RBM20: variants seen among roughly 807,000 people sequenced by gnomAD.
RBM20 encodes the protein RNA-binding protein 20.
In RBM20, 51 loss-of-function variants were observed where a neutral mutation model predicts 110.1. The observed-to-expected ratio is 0.46, with a 90% CI of 0.37 to 0.59. The LOEUF is 0.59. Ranked by LOEUF, RBM20 falls within the 20% of genes least tolerant of loss-of-function variation. RBM20 has a pLI of 0.00. For missense variants in RBM20, 1,512 were observed against 1,574.9 expected, an observed-to-expected ratio of 0.96 and a Z score of 0.68; for synonymous variants, 589 against 618.2, an observed-to-expected ratio of 0.95 and a Z score of 0.70.
intron 1 of RBM20, among the ~76,000 whole-genome samples, chr10:110,729,779 G>A (rs1843601151): frequency 6.6e-6 from 1 of 152,162 alleles, no homozygotes; most frequent in African/African-American, 2.4e-5. Context: ...GCCCTCTCCT[G>A]ACCCCCTCTG....
intron 1 of RBM20, among the ~76,000 whole-genome samples, chr10:110,767,240 G>A (rs571425920): frequency 7.1e-6 from 1 of 139,934 alleles, no homozygotes; most frequent in Admixed American, 6.8e-5. Flanking sequence ...CCTCCCGGAC[G>A]GGGTGGCTGG....
chr10:110,669,542 G>C (rs1415070063), intron 1 of RBM20, among the ~76,000 whole-genome samples: 3 of 152,238 alleles, frequency 2.0e-5, no homozygotes, highest in Non-Finnish European at 4.4e-5. Flanking sequence ...TGTAGGCTCA[G>C]AAGATTGCTT....
In RBM20 at chr10:110,644,607, G is replaced by T. The variant is rs760605118; in HGVS notation, c.153G>T (p.Pro51=). Residue 51 remains proline, a synonymous_variant, in exon 1 of 14, where the codon CCG becomes CCT. Transcript: ENST00000369519. The surrounding 1 kb of genome is among the most constrained non-coding windows in gnomAD (Gnocchi z 4.3). Reference sequence around the variant, plus strand: ...AGCCGCCGCCGCCGCCCCAGCCACCGCCCCCGCCCCAAGCCGGCCTACCCC... The same window carrying T: ...AGCCGCCGCCGCCGCCCCAGCCACCTCCCCCGCCCCAAGCCGGCCTACCCC... ...MQQPPPPPQP[P]PPPQAGLPQI... 5.4e-4 allele frequency: 585 copies of T among 1,091,326 alleles called. 3 individuals are homozygous for T. The highest frequency in any genetic ancestry group is 1.5e-4 in the Non-Finnish European group (121 of 785,594). 67.6% of individuals were successfully genotyped at this position (1,091,326 alleles called of 1,614,324 possible).
Position 110,762,900 on chromosome 10 carries a change from G to A in RBM20, c.192-17901G>A, listed in dbSNP as rs117585500. Among the ~76,000 whole-genome samples, 161 of 152,336 alleles carry A rather than the reference G, an allele frequency of 1.1e-3. No individual in the cohort carries two copies. In the East Asian group the frequency reaches 0.028, roughly 27 times the overall value. ...GGAAGGGCCAAACCTGCTGATTGGA[G>A]TAGAGCCTGGCAGCTTGGGGAAACC... On this transcript the variant is annotated intron_variant, in intron 1 of 13. Transcript: ENST00000369519.
intron 1 of RBM20, among the ~76,000 whole-genome samples, chr10:110,694,967 T>C (rs1203292562): frequency 6.6e-6 from 1 of 152,204 alleles, no homozygotes; most frequent in Non-Finnish European, 1.5e-5. Flanking sequence ...TATAGTGTCA[T>C]GTCTGTGGTT....
intron 1 of RBM20, among the ~76,000 whole-genome samples, chr10:110,760,495 TGATCTCAG>T (rs61221241): frequency 0.44 from 60,555 of 136,522 alleles, 13,410 homozygotes; most frequent in East Asian, 0.54. Flanking sequence ...TACAGTGGCG[TGATCTCAG>T]GATCTCAGCT....
chr10:110,786,028 C>T (rs973225011), intron 5 of RBM20, among the ~76,000 whole-genome samples: 2 of 152,178 alleles, frequency 1.3e-5, no homozygotes, highest in Admixed American at 1.3e-4. Context: ...CATACATTTT[C>T]GTCCTCCAAA....
Position 110,823,582 on chromosome 10 carries a change from A to G in RBM20, c.3419A>G (p.Glu1140Gly). Residue 1140 changes from glutamate to glycine, a missense_variant, in exon 12 of 14, where the codon GAG (glutamate) becomes GGG (glycine). By Grantham distance (98) the Glu-to-Gly change is moderately conservative (BLOSUM62 -2). Transcript: ENST00000369519. ...CTTTCTTTGCCCTCTTGGGAACCAG[A>G]GGATGTGTTCAGTGAACTTAGCATT... ...QPLSLPSWEP[E>G]DVFSELSIPL... 1 of 1,551,612 alleles carries G rather than the reference A, an allele frequency of 6.4e-7. No individual in the cohort carries two copies. Among genetic ancestry groups the G allele is most frequent in the South Asian group, 1.2e-5 (1 of 84,050 alleles).
At chr10:110,687,995 T>TTGTG (rs60479740) in intron 1 of RBM20, among the ~76,000 whole-genome samples, 4,096 of 145,412 alleles carry the variant, frequency 0.028, 84 homozygotes, top group Non-Finnish European at 0.029. Context: ...CTAAATGGTT[T>TTGTG]TGTGTGTGTG....
chr10:110,752,294 G>GTA (rs1256679053), intron 1 of RBM20, among the ~76,000 whole-genome samples: 1 of 152,292 alleles, frequency 6.6e-6, no homozygotes, highest in East Asian at 1.9e-4. Context: ...AAATCATACA[G>GTA]TATATGGCCT....
chr10:110,753,464 C>T (rs909462566), intron 1 of RBM20, among the ~76,000 whole-genome samples: 2 of 152,160 alleles, frequency 1.3e-5, no homozygotes, highest in Non-Finnish European at 2.9e-5. Context: ...TTTCTTTGCT[C>T]TTCATTCCTT....
At chr10:110,785,203 G>C (rs1448077004) in intron 5 of RBM20, among the ~76,000 whole-genome samples, 1 of 152,216 alleles carries the variant, frequency 6.6e-6, no homozygotes, top group Non-Finnish European at 1.5e-5. Flanking sequence ...GTATGCACCT[G>C]ACATGCCACA....
chr10:110,790,143 G>A (rs1361051602), intron 5 of RBM20, among the ~76,000 whole-genome samples: 1 of 152,202 alleles, frequency 6.6e-6, no homozygotes, highest in East Asian at 1.9e-4. Context: ...AATGTCTGTG[G>A]AAGGCCAGAG....
chr10:110,758,880 C>A (rs1843957061), intron 1 of RBM20, among the ~76,000 whole-genome samples: 1 of 152,122 alleles, frequency 6.6e-6, no homozygotes, highest in Non-Finnish European at 1.5e-5. Flanking sequence ...CCCTGTGGAT[C>A]CAACATGAGA....
intron 1 of RBM20, among the ~76,000 whole-genome samples, chr10:110,686,969 G>A (rs957099661): frequency 6.6e-6 from 1 of 151,852 alleles, no homozygotes; most frequent in Non-Finnish European, 1.5e-5. Context: ...AACCCAGGAG[G>A]CGGAGGTTGC....
intron 1 of RBM20, among the ~76,000 whole-genome samples, chr10:110,776,985 GT>G (rs1446898292): frequency 6.6e-6 from 1 of 152,128 alleles, no homozygotes; most frequent in African/African-American, 2.4e-5. Flanking sequence ...CTGTTTGTGG[GT>G]TTTTCTCCAC....
chr10:110,777,175 G>A (rs1302776988), intron 1 of RBM20, among the ~76,000 whole-genome samples: 1 of 152,156 alleles, frequency 6.6e-6, no homozygotes, highest in Non-Finnish European at 1.5e-5. Flanking sequence ...TTTCTCTTGT[G>A]GAACTTATGT....
chr10:110,740,761 T>C (rs960503094), intron 1 of RBM20, among the ~76,000 whole-genome samples: 1 of 152,218 alleles, frequency 6.6e-6, no homozygotes, highest in African/African-American at 2.4e-5. Flanking sequence ...AACATCATTA[T>C]GTGTGTGAAA....
chr10:110,774,320 A>C (rs1844233090), intron 1 of RBM20, among the ~76,000 whole-genome samples: 1 of 152,232 alleles, frequency 6.6e-6, no homozygotes, highest in Admixed American at 6.5e-5. Flanking sequence ...GGTGATATGA[A>C]TCATCATATG....
Sources: allele counts gnomAD v4.1 joint callset (sites outside exome capture counted in the v4.1 genomes callset), GRCh38; gene constraint gnomAD v4.1.1; non-coding constraint Gnocchi (gnomAD v3.1); transcripts MANE v1.5; gene names NCBI Gene and HGNC (gene_info 2026-07-23, HGNC 2026-07-21).